MARCHF1: variants seen among roughly 807,000 people sequenced by gnomAD.
MARCHF1 encodes membrane associated ring-CH-type finger 1, also known as E3 ubiquitin-protein ligase MARCHF1.
In MARCHF1, 40 loss-of-function variants were observed where a neutral mutation model predicts 54.2. That is an observed-to-expected ratio of 0.74 (90% CI 0.57 to 0.96). The LOEUF (loss-of-function observed/expected upper bound fraction) is 0.96. MARCHF1 is among the 40% of genes least tolerant of loss of function. The pLI, the probability that MARCHF1 is intolerant of heterozygous loss-of-function variation, is 0.00. For missense variants in MARCHF1, 586 were observed against 656.5 expected, an observed-to-expected ratio of 0.89 and a Z score of 1.17; for synonymous variants, 236 against 236.3, an observed-to-expected ratio of 1.00 and a Z score of 0.01.
intron 1 of MARCHF1, chr4:164,189,426 T>C (rs1731064684): frequency 2.9e-6 from 2 of 687,548 alleles, no homozygotes; most frequent in Non-Finnish European, 5.3e-6. Context: ...AAAATTCTGA[T>C]TTGAAGAATT....
chr4:164,313,800 G>C (rs1005859961), intron 1 of MARCHF1, among the ~76,000 whole-genome samples: 4 of 152,176 alleles, frequency 2.6e-5, no homozygotes, highest in Non-Finnish European at 4.4e-5. Flanking sequence ...CTGAGGGTCA[G>C]TCTGAGCCTC....
chr4:163,683,786 C>T (rs1025500317), intron 5 of MARCHF1, among the ~76,000 whole-genome samples: 4 of 152,138 alleles, frequency 2.6e-5, no homozygotes, highest in Admixed American at 6.5e-5. Flanking sequence ...TTATTTTGCT[C>T]ACAACTCTGC....
At chr4:164,025,347 G>A (rs146701406) in intron 2 of MARCHF1, among the ~76,000 whole-genome samples, 1 of 151,834 alleles carries the variant, frequency 6.6e-6, no homozygotes, top group Non-Finnish European at 1.5e-5. Flanking sequence ...CTCATAAAGC[G>A]AGGATCAATA....
intron 5 of MARCHF1, among the ~76,000 whole-genome samples, chr4:163,681,805 TA>T (rs1254956733): frequency 2.0e-5 from 3 of 152,194 alleles, no homozygotes; most frequent in Admixed American, 6.5e-5. Flanking sequence ...GAGAACAGAC[TA>T]ATACAGTAAA....
At chr4:164,162,740 C>T (rs1209772329) in intron 1 of MARCHF1, among the ~76,000 whole-genome samples, 1 of 151,710 alleles carries the variant, frequency 6.6e-6, no homozygotes, top group Non-Finnish European at 1.5e-5. Flanking sequence ...GAGAATTTTT[C>T]AAAATAGATG....
In MARCHF1 at chr4:164,383,903, G is replaced by A. The variant is rs1378342731; in HGVS notation, c.-356C>T. ...GGTGAAGTAGCTCAGGCGGCCGCCA[G>A]GCTGCGTGCGGCCGGCATCCCGGGG... is the stretch of plus-strand genomic sequence containing the variant. On this transcript the variant is annotated 5_prime_UTR_variant, in exon 1 of 10. Coordinates refer to ENST00000514618, the MANE Select transcript of MARCHF1 (RefSeq NM_001394959.1). 1 of 152,410 alleles carries A rather than the reference G, an allele frequency of 6.6e-6. No homozygotes were observed. Among genetic ancestry groups the A allele is most frequent in the African/African-American group, 2.4e-5 (1 of 41,466 alleles). 9.4% of individuals were successfully genotyped at this position (152,410 alleles called of 1,614,324 possible).
At chr4:164,066,828 T>C (rs913064933) in intron 2 of MARCHF1, among the ~76,000 whole-genome samples, 2 of 152,222 alleles carry the variant, frequency 1.3e-5, no homozygotes, top group Admixed American at 1.3e-4. Context: ...TGAGAACACA[T>C]GGACACACAG....
At position 164,176,970 on chromosome 4, in the gene MARCHF1, CTCTCTCT is replaced by C. The variant is rs1244390964; in HGVS notation, c.-322-65315_-322-65309del. 6.9e-3 allele frequency among the ~76,000 whole-genome samples: 394 copies of C among 57,160 alleles called. 6 individuals carry two copies. Among genetic ancestry groups the C allele is most frequent in the South Asian group, 0.014 (19 of 1,362 alleles). 37.5% of individuals were successfully genotyped at this position (57,160 alleles called of 152,430 possible). A position where few individuals can be genotyped will look rare whatever the true frequency, so the allele number is the denominator to read the frequency against. On this transcript the variant is annotated intron_variant, in intron 1 of 9. Coordinates refer to ENST00000514618, the MANE Select transcript of MARCHF1 (RefSeq NM_001394959.1). ...TCTCTCTCTCTCTCTCTCTCTCTCT[CTCTCTCT>C]CTCTATATATATATATATATATATA...
At chr4:164,142,248 G>A (rs765502895) in intron 1 of MARCHF1, among the ~76,000 whole-genome samples, 1 of 152,166 alleles carries the variant, frequency 6.6e-6, no homozygotes, top group Non-Finnish European at 1.5e-5. Flanking sequence ...CTTGGGGAGG[G>A]GCACCCGCTA....
intron 1 of MARCHF1, among the ~76,000 whole-genome samples, chr4:164,117,500 AG>A (rs1560912420): frequency 6.6e-6 from 1 of 152,164 alleles, no homozygotes; most frequent in Admixed American, 6.5e-5. Flanking sequence ...CAATGAATAA[AG>A]ATCAATAAGA....
chr4:163,887,165 A>C (rs1486465529), intron 3 of MARCHF1, among the ~76,000 whole-genome samples: 3 of 152,146 alleles, frequency 2.0e-5, no homozygotes, highest in Non-Finnish European at 2.9e-5. Flanking sequence ...TAAAAATATT[A>C]CACATTGTGA....
At chr4:164,088,633 G>C (rs1755238670) in intron 2 of MARCHF1, among the ~76,000 whole-genome samples, 1 of 152,146 alleles carries the variant, frequency 6.6e-6, no homozygotes, top group South Asian at 2.1e-4. Context: ...AGCTACTAGG[G>C]AAACTGAGGT....
chr4:163,581,485 T>A (rs539746107), intron 8 of MARCHF1, among the ~76,000 whole-genome samples: 3 of 152,320 alleles, frequency 2.0e-5, no homozygotes, highest in African/African-American at 7.2e-5. Context: ...TCTGGCCTTA[T>A]CCCTTTTTCT....
chr4:163,860,029 C>A (rs1749880799), intron 3 of MARCHF1, among the ~76,000 whole-genome samples: 1 of 152,136 alleles, frequency 6.6e-6, no homozygotes, highest in African/African-American at 2.4e-5. Flanking sequence ...TGGAAGTCAT[C>A]ACTCCCATTC....
chr4:164,140,785 C>A (rs28651367), intron 1 of MARCHF1, among the ~76,000 whole-genome samples: 28,176 of 150,258 alleles, frequency 0.19, 4,101 homozygotes, highest in African/African-American at 0.39. Flanking sequence ...CACACACACA[C>A]TGAACTCAGT....
chr4:164,235,533 T>C (rs1732523781), intron 1 of MARCHF1, among the ~76,000 whole-genome samples: 1 of 152,062 alleles, frequency 6.6e-6, no homozygotes, highest in Non-Finnish European at 1.5e-5. Context: ...CTCTAAAAAA[T>C]ACAGGAACTA....
At chr4:164,054,573 C>T (rs569335753) in intron 2 of MARCHF1, among the ~76,000 whole-genome samples, 228 of 152,180 alleles carry the variant, frequency 1.5e-3, no homozygotes, top group South Asian at 0.01. Flanking sequence ...GGCACATATA[C>T]ACCGTGGAAT....
At chr4:164,141,009 A>C (rs1174699249) in intron 1 of MARCHF1, among the ~76,000 whole-genome samples, 17 of 152,216 alleles carry the variant, frequency 1.1e-4, no homozygotes, top group Admixed American at 1.1e-3. Context: ...TCTCTGAATA[A>C]TAGCACCCTA....
At chr4:163,614,093 G>A (rs1741438598) in intron 5 of MARCHF1, among the ~76,000 whole-genome samples, 1 of 152,028 alleles carries the variant, frequency 6.6e-6, no homozygotes, top group South Asian at 2.1e-4. Flanking sequence ...ACTTTAACCT[G>A]TTGTATTTAA....
Sources: gnomAD v4.1 joint callset for allele counts (sites outside exome capture counted in the v4.1 genomes callset) on GRCh38, gnomAD v4.1.1 for gene constraint, MANE v1.5 for transcripts, NCBI Gene and HGNC (gene_info 2026-07-23, HGNC 2026-07-21) for gene names.